The following SLC33A1 variants were observed in gnomAD, a reference collection of about 807,000 sequenced individuals.
SLC33A1 encodes solute carrier family 33 member 1.
SLC33A1 carries 20 observed loss-of-function variants against 50.0 expected under a neutral mutation model. That is an observed-to-expected ratio of 0.40 (90% CI 0.28 to 0.58). The LOEUF (loss-of-function observed/expected upper bound fraction) is 0.58, where lower values mean the gene tolerates loss of function less well. SLC33A1 is among the 20% of genes least tolerant of loss of function. The pLI is 0.44. For missense variants in SLC33A1, 476 were observed against 657.0 expected, an observed-to-expected ratio of 0.72 and a Z score of 3.01; for synonymous variants, 265 against 251.8, an observed-to-expected ratio of 1.05 and a Z score of -0.50.
intron 1 of SLC33A1, among the ~76,000 whole-genome samples, chr3:155,852,195 T>TTA (rs1231842748): frequency 4.6e-5 from 7 of 152,108 alleles, no homozygotes; most frequent in Admixed American, 4.6e-4. Context: ...TGGTTCACAC[T>TTA]TATAATTCCC....
chr3:155,829,582 T>C, intron 5 of SLC33A1, 106 bp downstream of exon 5: 1 of 814,324 alleles, frequency 1.2e-6, no homozygotes, highest in Admixed American at 2.1e-5. Context: ...CCAGAACCTA[T>C]GGACAGATAT....
Position 155,828,166 on chromosome 3 carries a change from A to C in SLC33A1, c.*44T>G. 1 of 1,419,858 alleles carries C rather than the reference A, an allele frequency of 7.0e-7. No individual in the cohort carries two copies. Among genetic ancestry groups the C allele is most frequent in the South Asian group, 1.1e-5 (1 of 87,032 alleles). The allele number at this position is 1,419,858 out of a possible 1,614,324, so 88.0% of individuals were successfully genotyped here. A position where few individuals can be genotyped will look rare whatever the true frequency, so the allele number is the denominator to read the frequency against. On this transcript the variant is annotated 3_prime_UTR_variant, in exon 6 of 6. Transcript: ENST00000643144. ...GATTATCATTGCTCTCCGAATTAAA[A>C]CTAAACTACAATTACCTTGCTAGAA...
intron 1 of SLC33A1, among the ~76,000 whole-genome samples, chr3:155,851,987 A>G (rs1753418055): frequency 6.6e-6 from 1 of 152,234 alleles, no homozygotes; most frequent in Non-Finnish European, 1.5e-5. Context: ...GTGAATTTCC[A>G]AGGTAGCACA....
intron 2 of SLC33A1, among the ~76,000 whole-genome samples, chr3:155,840,561 T>C (rs932408236): frequency 2.0e-5 from 3 of 151,152 alleles, no homozygotes. Context: ...CTCATGCCTG[T>C]AATCCCAGCA....
intron 1 of SLC33A1, among the ~76,000 whole-genome samples, chr3:155,850,134 G>A (rs1196936570): frequency 1.3e-5 from 2 of 151,330 alleles, no homozygotes; most frequent in African/African-American, 4.9e-5. Context: ...TCAGCCTCCT[G>A]AGTAGCTGAG....
At position 155,821,719 on chromosome 3, in the gene SLC33A1, G is replaced by T. The variant is rs943339201; in HGVS notation, c.*6491C>A. ...GACCTCAAGTGATCTGCCTGCCTTGGCCTCCCAAAGTGCTGGGATTACAGA... is the reference window on the plus strand; with the variant it reads ...GACCTCAAGTGATCTGCCTGCCTTGTCCTCCCAAAGTGCTGGGATTACAGA... On this transcript the variant is annotated 3_prime_UTR_variant, in exon 6 of 6. Transcript: ENST00000643144. 3 of 151,234 alleles carry T rather than the reference G, an allele frequency of 2.0e-5. No homozygotes were observed. The East Asian group carries it at 5.8e-4, about 29-fold the overall frequency. The allele number at this position is 151,234 out of a possible 1,614,324, so 9.4% of individuals were successfully genotyped here. A position where few individuals can be genotyped will look rare whatever the true frequency, so the allele number is the denominator to read the frequency against.
intron 2 of SLC33A1, among the ~76,000 whole-genome samples, chr3:155,836,047 G>A (rs993625963): frequency 6.6e-6 from 1 of 151,526 alleles, no homozygotes; most frequent in African/African-American, 2.4e-5. Context: ...CACTTTGGGA[G>A]GCCAAGGTGG....
rs1377209814 is a variant in SLC33A1 at position 155,822,274 on chromosome 3, G to A, written c.*5936C>T. 6.6e-6 allele frequency: 1 copy of A among 151,924 alleles called. No individual in the cohort carries two copies. The highest frequency in any genetic ancestry group is 6.6e-5 in the Admixed American group (1 of 15,236). 9.4% of individuals were successfully genotyped at this position (151,924 alleles called of 1,614,324 possible). On this transcript the variant is annotated 3_prime_UTR_variant, in exon 6 of 6. Transcript: ENST00000643144. ...TGATTGATTAATTGTAGCTGACTGG[G>A]GTATTCAATTTTAGAAATTTAAGAT...
chr3:155,828,228 T>C lies in SLC33A1; in HGVS notation c.1632A>G (p.Lys544=), dbSNP rs759903704. ...ATATATATTAATTGTTCCTTTTGCA[T>C]TTCCACGAAGATGATCCTTCATCCT... ...KLQDEGSSSW[K]CKRNN Residue 544 remains lysine (K), a synonymous_variant, in exon 6 of 6, where the codon AAA becomes AAG. Coordinates refer to ENST00000643144, the MANE Select transcript of SLC33A1 (RefSeq NM_004733.4). 6.2e-7 allele frequency: 1 copy of C among 1,613,158 alleles called. No individual in the cohort carries two copies. The highest frequency in any genetic ancestry group is 8.5e-7 in the Non-Finnish European group (1 of 1,179,196).
intron 4 of SLC33A1, among the ~76,000 whole-genome samples, chr3:155,832,728 A>AG: frequency 6.7e-6 from 1 of 149,482 alleles, no homozygotes; most frequent in East Asian, 1.9e-4. Flanking sequence ...TGTCTCAAAA[A>AG]AAAAAAAAAA....
At chr3:155,841,872 CA>C (rs1319200660) in intron 2 of SLC33A1, among the ~76,000 whole-genome samples, 1 of 152,074 alleles carries the variant, frequency 6.6e-6, no homozygotes, top group Non-Finnish European at 1.5e-5. Context: ...CTCAGTCTCC[CA>C]AGTAGCTGGG....
chr3:155,829,982 A>G (rs1395289182), intron 4 of SLC33A1, 79 bp from the exon 5 acceptor site: 1 of 901,156 alleles, frequency 1.1e-6, no homozygotes, highest in African/African-American at 1.7e-5. Flanking sequence ...CATCAAAGTC[A>G]TAAACCTGAA....
At chr3:155,830,668 C>T (rs1388982156) in intron 4 of SLC33A1, among the ~76,000 whole-genome samples, 7 of 151,896 alleles carry the variant, frequency 4.6e-5, no homozygotes, top group Non-Finnish European at 7.4e-5. Flanking sequence ...TGCAAAACCT[C>T]ATATTTGTAC....
chr3:155,836,157 G>T (rs569419235), intron 2 of SLC33A1, among the ~76,000 whole-genome samples: 1 of 150,660 alleles, frequency 6.6e-6, no homozygotes, highest in African/African-American at 2.4e-5. Flanking sequence ...GGTGGTATAC[G>T]CCTGTAGTCC....
rs749906542 is a variant in SLC33A1 at position 155,853,983 on chromosome 3, G to A, written c.15C>T (p.Ile5=). Residue 5 remains isoleucine, a synonymous_variant, in exon 1 of 6, where the codon ATC becomes ATT. Coordinates refer to ENST00000643144, the MANE Select transcript of SLC33A1 (RefSeq NM_004733.4). Reference sequence around the variant, plus strand: ...GTTGCCGGCTGCTGTCCTTGTGGGAGATGGTGGGTGACATATCAGAGACGA... The same window carrying A: ...GTTGCCGGCTGCTGTCCTTGTGGGAAATGGTGGGTGACATATCAGAGACGA... The part of the protein sequence containing the change: MSPT[I]SHKDSSRQRR... The A allele has an allele frequency of 6.5e-7, 1 of 1,545,500 alleles. No homozygotes were observed. Among genetic ancestry groups the A allele is most frequent in the Non-Finnish European group, 8.7e-7 (1 of 1,151,894 alleles).
chr3:155,845,388 G>A (rs1753128262), intron 1 of SLC33A1, among the ~76,000 whole-genome samples: 1 of 152,094 alleles, frequency 6.6e-6, no homozygotes, highest in Non-Finnish European at 1.5e-5. Context: ...GTGCAGTGGT[G>A]CAAACTTGGC....
intron 2 of SLC33A1, among the ~76,000 whole-genome samples, chr3:155,839,114 C>A (rs1233157532): frequency 1.3e-5 from 2 of 151,492 alleles, no homozygotes. Flanking sequence ...CATGGAGAAA[C>A]CCCATCTCTA....
chr3:155,833,280 CTCTT>C (rs1020896738), intron 4 of SLC33A1, among the ~76,000 whole-genome samples, 184 bp downstream of exon 4: 1 of 152,070 alleles, frequency 6.6e-6, no homozygotes, highest in Admixed American at 6.6e-5. Flanking sequence ...ATAAAAAAGT[CTCTT>C]TCTATGAACA....
In SLC33A1 at chr3:155,824,067, T is replaced by TAC. The variant is rs1752149805; in HGVS notation, c.*4141_*4142dup. On this transcript the variant is annotated 3_prime_UTR_variant, in exon 6 of 6. Transcript: ENST00000643144. ...GAGAAAATAATTGTGCCTCGCTATC[T>TAC]ACCAAAGACATTGGTTAAAAAAAAG... 2 of 152,158 alleles carry TAC rather than the reference T, an allele frequency of 1.3e-5. No homozygotes were observed. The highest frequency in any genetic ancestry group is 4.8e-5 in the African/African-American group (2 of 41,412). The allele number at this position is 152,158 out of a possible 1,614,324, so 9.4% of individuals were successfully genotyped here. A position where few individuals can be genotyped will look rare whatever the true frequency, so the allele number is the denominator to read the frequency against.
Sources: gnomAD v4.1 joint callset for allele counts (sites outside exome capture counted in the v4.1 genomes callset) on GRCh38, gnomAD v4.1.1 for gene constraint, MANE v1.5 for transcripts, NCBI Gene and HGNC (gene_info 2026-07-23, HGNC 2026-07-21) for gene names.